ZIM2: variants seen among roughly 807,000 people sequenced by gnomAD.
The protein encoded by ZIM2 is zinc finger imprinted 2.
A neutral mutation model predicts 38.6 loss-of-function variants in ZIM2; 14 were observed. The ratio of observed to expected loss-of-function variants is 0.36; its 90% CI spans 0.24 to 0.57. The LOEUF (loss-of-function observed/expected upper bound fraction) is 0.57. ZIM2 is among the 20% of genes least tolerant of loss of function. The pLI, the probability that ZIM2 is intolerant of heterozygous loss-of-function variation, is 0.81. For missense variants in ZIM2, 680 were observed against 695.1 expected (o/e 0.98, Z 0.24); for synonymous variants, 247 against 245.8 (o/e 1.00, Z -0.04).
intron 12 of ZIM2, among the ~76,000 whole-genome samples, chr19:56,777,478 A>C (rs2046080883): frequency 1.3e-5 from 2 of 152,118 alleles, no homozygotes. Flanking sequence ...TGGCCTCTTG[A>C]ACTGGTTTCT....
At chr19:56,815,155 T>A (rs755317541) in intron 9 of ZIM2, 1 of 1,613,992 alleles carries the variant, frequency 6.2e-7, no homozygotes, top group South Asian at 1.1e-5. Context: ...CTTCTGAGGG[T>A]CTTCCATGTC....
chr19:56,795,521 A>C (rs1169129893), intron 9 of ZIM2, among the ~76,000 whole-genome samples: 6 of 152,202 alleles, frequency 3.9e-5, no homozygotes, highest in Non-Finnish European at 8.8e-5. Context: ...GACCAAAACC[A>C]GCAGCGCATG....
intron 1 of ZIM2, among the ~76,000 whole-genome samples, chr19:56,839,644 G>A (rs1270793006): frequency 2.0e-5 from 3 of 151,280 alleles, no homozygotes; most frequent in Non-Finnish European, 3.0e-5. Context: ...GCGCCTACTC[G>A]GCAAACCTCA....
intron 9 of ZIM2, among the ~76,000 whole-genome samples, chr19:56,807,305 C>A (rs766468606): frequency 6.6e-6 from 1 of 152,154 alleles, no homozygotes; most frequent in African/African-American, 2.4e-5. Context: ...TCCCTTTATG[C>A]GCTTCCTCAT....
intron 10 of ZIM2, among the ~76,000 whole-genome samples, chr19:56,785,754 G>C (rs10412580): frequency 0.65 from 98,345 of 152,006 alleles, 32,273 homozygotes; most frequent in African/African-American, 0.69. Flanking sequence ...GTATTGGATG[G>C]TTCCAATTTT....
At position 56,789,880 on chromosome 19, in the gene ZIM2, C is replaced by T. The variant is rs1357119258; in HGVS notation, c.562G>A (p.Gly188Arg). The T allele has an allele frequency of 2.5e-6, 4 of 1,574,098 alleles. No homozygotes were observed. The highest frequency in any genetic ancestry group is 1.3e-5 in the African/African-American group (1 of 74,440). The change falls in exon 10 of 13, where the codon GGG becomes AGG. Residue 188 changes from glycine (G) to arginine (R), a missense_variant. Gly to Arg is a moderately radical substitution (Grantham distance 125). Transcript: ENST00000629319. ...TEMLDNLPSA[G>R]SQFPDFKHLG... is the part of the protein sequence containing the mutation. Reference sequence around the variant, plus strand: ...AGGAAAGCCTGACTCACCTGGGACCCAGCAGATGGCAGATTGTCTAACATC... The same window carrying T: ...AGGAAAGCCTGACTCACCTGGGACCTAGCAGATGGCAGATTGTCTAACATC...
chr19:56,815,237 C>G lies in ZIM2; in HGVS notation c.490+2509G>C, dbSNP rs573103723. On this transcript the variant is annotated intron_variant, in intron 9 of 12. Coordinates refer to ENST00000629319, the MANE Select transcript of ZIM2 (RefSeq NM_001387356.1). ...TCCTCGCTGTGGGTCTCCTCCCCAT[C>G]AGTATTCTCGCCTTGAGACTCCTCG... The G allele has an allele frequency of 1.7e-5, 27 of 1,614,172 alleles. No individual in the cohort carries two copies. In the African/African-American group the frequency reaches 3.1e-4, roughly 18 times the overall value.
chr19:56,795,461 CTT>C (rs1399993892), intron 9 of ZIM2, among the ~76,000 whole-genome samples: 1 of 152,234 alleles, frequency 6.6e-6, no homozygotes, highest in Admixed American at 6.5e-5. Flanking sequence ...GCCCAGCGAA[CTT>C]ACCTCGCACG....
chr19:56,838,646 C>T (rs567713357), intron 1 of ZIM2, among the ~76,000 whole-genome samples: 1 of 152,344 alleles, frequency 6.6e-6, no homozygotes, highest in African/African-American at 2.4e-5. Flanking sequence ...CGGTGATAAC[C>T]CGTCACCCTG....
At chr19:56,776,750 G>A (rs1002242374) in intron 12 of ZIM2, among the ~76,000 whole-genome samples, 4 of 152,190 alleles carry the variant, frequency 2.6e-5, no homozygotes, top group Non-Finnish European at 5.9e-5. Flanking sequence ...GACGACAGGA[G>A]CAGAGATGGG....
chr19:56,810,822 T>TA (rs2059485493), intron 9 of ZIM2: 2 of 970,200 alleles, frequency 2.1e-6, no homozygotes, highest in South Asian at 9.5e-5. Flanking sequence ...GGAATATAGG[T>TA]AATTTTTTAA....
rs769835838 is a variant in ZIM2 at position 56,819,590 on chromosome 19, T to G, written c.295-888A>C. On this transcript the variant is annotated intron_variant, in intron 7 of 12. Transcript: ENST00000629319. ...CAGGCTTTGGAGCTGGACAGAGATC[T>G]GGGTCAAAGAAGGATTGCACCAATT... Among the ~76,000 whole-genome samples the G allele has an allele frequency of 2.0e-5, 3 of 152,310 alleles. No homozygotes were observed. In the East Asian group the frequency reaches 5.8e-4, roughly 29 times the overall value.
chr19:56,794,730 T>A (rs2047107888), intron 9 of ZIM2, among the ~76,000 whole-genome samples: 5 of 152,244 alleles, frequency 3.3e-5, no homozygotes, highest in Admixed American at 3.3e-4. Flanking sequence ...AAGAGCCCCA[T>A]TCTCATAAAG....
intron 9 of ZIM2, chr19:56,815,208 G>A: frequency 6.2e-7 from 1 of 1,613,736 alleles, no homozygotes; most frequent in Admixed American, 1.7e-5. Context: ...CCTGACCATG[G>A]GTCTCCTCGC....
chr19:56,839,890 C>A (rs2062777782), intron 1 of ZIM2, among the ~76,000 whole-genome samples: 1 of 152,382 alleles, frequency 6.6e-6, no homozygotes, highest in South Asian at 2.1e-4. Flanking sequence ...GCCCCATCTG[C>A]CGCCAACCAA....
intron 9 of ZIM2, among the ~76,000 whole-genome samples, chr19:56,800,763 T>G (rs2047480940): frequency 6.6e-6 from 1 of 152,016 alleles, no homozygotes; most frequent in South Asian, 2.1e-4. Context: ...AATCAAAAGG[T>G]CCAAGCATGT....
intron 10 of ZIM2, among the ~76,000 whole-genome samples, chr19:56,784,752 T>C (rs1215584916): frequency 6.6e-6 from 1 of 152,136 alleles, no homozygotes; most frequent in Admixed American, 6.5e-5. Flanking sequence ...ATCTTTAAAA[T>C]AAAGAGATCC....
chr19:56,805,005 A>G (rs994577250), intron 9 of ZIM2, among the ~76,000 whole-genome samples: 1 of 152,240 alleles, frequency 6.6e-6, no homozygotes, highest in South Asian at 2.1e-4. Flanking sequence ...GCGAGGCATC[A>G]GAGTAGACTG....
rs374462834 is a variant in ZIM2, at chr19:56,801,680, A to G, written c.491-11729T>C. On this transcript the variant is annotated intron_variant, in intron 9 of 12. Coordinates refer to ENST00000629319, the MANE Select transcript of ZIM2 (RefSeq NM_001387356.1). The stretch of plus-strand genomic sequence containing the variant: ...ACCTCTGCTCTCAAAAGGGCAAGGG[A>G]GGAAGTGGACCAATCCCATAGAGAA... Among the ~76,000 whole-genome samples, 4 of 152,300 alleles carry G rather than the reference A, an allele frequency of 2.6e-5. No homozygotes were observed. The East Asian group carries it at 7.7e-4, about 29-fold the overall frequency.
Sources: gnomAD v4.1 joint callset for allele counts (sites outside exome capture counted in the v4.1 genomes callset) on GRCh38, gnomAD v4.1.1 for gene constraint, MANE v1.5 for transcripts, NCBI Gene and HGNC (gene_info 2026-07-23, HGNC 2026-07-21) for gene names.